GRK5: variants seen among roughly 807,000 people sequenced by gnomAD.
The protein encoded by GRK5 is g protein-coupled receptor kinase GRK5.
A neutral mutation model predicts 78.4 loss-of-function variants in GRK5; 40 were observed. The ratio of observed to expected loss-of-function variants is 0.51; its 90% confidence interval spans 0.40 to 0.66. The LOEUF is 0.66. Ranked by LOEUF, GRK5 falls within the 30% of genes least tolerant of loss-of-function variation. GRK5 has a pLI of 0.00. For synonymous variants in GRK5, 289 were observed against 296.8 expected (o/e 0.97, Z 0.27); for missense variants, 598 against 759.9 (o/e 0.79, Z 2.50).
intron 1 of GRK5, among the ~76,000 whole-genome samples, chr10:119,296,673 A>G (rs554577505): frequency 1.2e-4 from 19 of 152,318 alleles, no homozygotes; most frequent in African/African-American, 4.1e-4. Context: ...GACTCTGATG[A>G]GCGTCTCTCA....
At chr10:119,394,380 GTGTGTA>G (rs1851978357) in intron 3 of GRK5, among the ~76,000 whole-genome samples, 1 of 44,778 alleles carries the variant, frequency 2.2e-5, no homozygotes, top group African/African-American at 8.9e-5. Flanking sequence ...GGGTGTCGGT[GTGTGTA>G]TCTGTGTCTG....
rs1392635227 is a variant in GRK5, at chr10:119,238,808, A to ATGGC, written c.52+30840_52+30843dup. 1.3e-5 allele frequency among the ~76,000 whole-genome samples: 2 copies of ATGGC among 152,134 alleles called. No individual in the cohort carries two copies. The highest frequency in any genetic ancestry group is 2.9e-5 in the Non-Finnish European group (2 of 68,030). Reference sequence around the variant, plus strand: ...GATGACCCCGGAGAAGGGTGGTCATATGGCCAGTGTCAGGATTAATAGAAT... The same window carrying ATGGC: ...GATGACCCCGGAGAAGGGTGGTCATATGGCTGGCCAGTGTCAGGATTAATAGAAT... On this transcript the variant is annotated intron_variant, in intron 1 of 15. Transcript: ENST00000392870. This position sits in a 1 kb window ranked among gnomAD's most constrained non-coding sequence, Gnocchi z 4.7.
intron 1 of GRK5, among the ~76,000 whole-genome samples, chr10:119,234,251 A>G (rs946485761): frequency 6.6e-6 from 1 of 152,222 alleles, no homozygotes; most frequent in African/African-American, 2.4e-5. Context: ...CCAAGGTCAC[A>G]GTTGTTGATG....
At chr10:119,416,941 C>T (rs1291616497) in intron 4 of GRK5, among the ~76,000 whole-genome samples, 3 of 152,164 alleles carry the variant, frequency 2.0e-5, no homozygotes, top group Admixed American at 6.5e-5. Flanking sequence ...AGGCCGTACT[C>T]CTCTGGTCTG....
intron 1 of GRK5, among the ~76,000 whole-genome samples, chr10:119,270,174 C>T (rs1849563268): frequency 6.6e-6 from 1 of 152,238 alleles, no homozygotes; most frequent in African/African-American, 2.4e-5. Flanking sequence ...CACTGCCAGC[C>T]CTGCCATTCT....
At chr10:119,393,830 A>G (rs974920372) in intron 3 of GRK5, among the ~76,000 whole-genome samples, 1 of 152,144 alleles carries the variant, frequency 6.6e-6, no homozygotes, top group African/African-American at 2.4e-5. Context: ...CCTGCCATGT[A>G]GGGTGAGCCT....
chr10:119,287,334 G>A (rs779707439), intron 1 of GRK5, among the ~76,000 whole-genome samples: 49 of 990 alleles, frequency 0.049, no homozygotes, highest in Admixed American at 0.098. Context: ...GGGAGGAAGG[G>A]AGAGAGGAGG....
intron 10 of GRK5, 45 bp downstream of exon 10, chr10:119,439,813 C>T (rs763979255): frequency 3.1e-6 from 5 of 1,589,122 alleles, no homozygotes; most frequent in Non-Finnish European, 3.5e-6. Flanking sequence ...ATTGCAACCC[C>T]AAGAAAGCAA....
intron 3 of GRK5, among the ~76,000 whole-genome samples, chr10:119,381,518 A>AT (rs1203552811): frequency 1.3e-5 from 2 of 152,236 alleles, no homozygotes; most frequent in African/African-American, 4.8e-5. Context: ...GCCTGACACC[A>AT]TGGAGTCTTC....
At chr10:119,301,699 A>G (rs1850184125) in intron 1 of GRK5, among the ~76,000 whole-genome samples, 1 of 152,208 alleles carries the variant, frequency 6.6e-6, no homozygotes, top group Non-Finnish European at 1.5e-5. Flanking sequence ...CACTTTGACC[A>G]CGCCTCCTTA....
At chr10:119,408,842 T>C (rs562965830) in intron 4 of GRK5, among the ~76,000 whole-genome samples, 27 of 152,262 alleles carry the variant, frequency 1.8e-4, no homozygotes, top group African/African-American at 5.8e-4. Flanking sequence ...GTTGAAATGG[T>C]GAAGTTTATG....
At chr10:119,408,363 A>AAAAAAAAAT (rs1554918541) in intron 4 of GRK5, among the ~76,000 whole-genome samples, 4 of 141,824 alleles carry the variant, frequency 2.8e-5, no homozygotes, top group South Asian at 2.3e-4. Flanking sequence ...AAAAAAAAAA[A>AAAAAAAAAT]GGCAGAAAAC....
chr10:119,273,521 C>T (rs1163515576), intron 1 of GRK5, among the ~76,000 whole-genome samples: 1 of 152,178 alleles, frequency 6.6e-6, no homozygotes, highest in East Asian at 1.9e-4. Flanking sequence ...GACGCTCCAG[C>T]CCAGGCTTTC....
intron 8 of GRK5, among the ~76,000 whole-genome samples, chr10:119,433,069 A>C (rs1012498091): frequency 6.6e-6 from 1 of 152,176 alleles, no homozygotes; most frequent in Non-Finnish European, 1.5e-5. Context: ...AGACTTTGTT[A>C]AAAACAAAAC....
At position 119,413,272 on chromosome 10, in the gene GRK5, G is replaced by A. The variant is rs73435084; in HGVS notation, c.340-9894G>A. Among the ~76,000 whole-genome samples, 266 of 151,808 alleles carry A rather than the reference G, an allele frequency of 1.8e-3. 3 individuals carry two copies. The highest frequency in any genetic ancestry group is 6.1e-3 in the African/African-American group (254 of 41,372). Reference sequence around the variant, plus strand: ...TGGTTTTAATTAAGAAAATTCCTTAGCACTGTGATTGGCCCAGCATGTTAC... The same window carrying A: ...TGGTTTTAATTAAGAAAATTCCTTAACACTGTGATTGGCCCAGCATGTTAC... On this transcript the variant is annotated intron_variant, in intron 4 of 15. Coordinates refer to ENST00000392870, the MANE Select transcript of GRK5 (RefSeq NM_005308.3).
At chr10:119,382,476 C>T (rs1255343542) in intron 3 of GRK5, among the ~76,000 whole-genome samples, 1 of 152,062 alleles carries the variant, frequency 6.6e-6, no homozygotes, top group East Asian at 1.9e-4. Context: ...GTGTAATGAA[C>T]CCCCAGGCAC....
At chr10:119,261,050 C>A (rs1373076876) in intron 1 of GRK5, among the ~76,000 whole-genome samples, 2 of 93,448 alleles carry the variant, frequency 2.1e-5, no homozygotes, top group Admixed American at 1.1e-4. Flanking sequence ...CCCCCCACCT[C>A]CCTCCCGGAC....
chr10:119,455,515 G>A lies in GRK5; in HGVS notation c.*448G>A. ...CCACTGTTAAGCCATGTGTTCCAAG[G>A]CATTTTAGCGGGGAGGGGGTTATCA... On this transcript the variant is annotated 3_prime_UTR_variant, in exon 16 of 16. Coordinates refer to ENST00000392870, the MANE Select transcript of GRK5 (RefSeq NM_005308.3). The A allele has an allele frequency of 3.3e-6, 1 of 301,684 alleles. No individual in the cohort carries two copies. Among genetic ancestry groups the A allele is most frequent in the Non-Finnish European group, 6.3e-6 (1 of 157,938 alleles). The allele number at this position is 301,684 out of a possible 1,614,324, so 18.7% of individuals were successfully genotyped here.
chr10:119,320,759 A>C (rs772301350), intron 1 of GRK5, among the ~76,000 whole-genome samples: 5 of 152,262 alleles, frequency 3.3e-5, no homozygotes, highest in African/African-American at 4.8e-5. Context: ...GAATGGGACC[A>C]AGGAGAACGG....
Sources: allele counts gnomAD v4.1 joint callset (sites outside exome capture counted in the v4.1 genomes callset), GRCh38; gene constraint gnomAD v4.1.1; non-coding constraint Gnocchi (gnomAD v3.1); transcripts MANE v1.5; gene names NCBI Gene and HGNC (gene_info 2026-07-23, HGNC 2026-07-21).